Variants in DENND5B observed in about 807,000 individuals in gnomAD.
DENND5B encodes the protein DENN domain containing 5B.
DENND5B carries 34 observed loss-of-function variants against 140.6 expected under a neutral mutation model. The observed-to-expected ratio is 0.24, with a 90% CI of 0.18 to 0.32. DENND5B has a LOEUF of 0.32. Ranked by LOEUF, DENND5B falls within the 10% of genes least tolerant of loss-of-function variation. DENND5B has a pLI of 1.00. For missense variants in DENND5B, 1,142 were observed against 1,560.2 expected (o/e 0.73, Z 4.52); for synonymous variants, 551 against 562.1 (o/e 0.98, Z 0.28).
intron 2 of DENND5B, among the ~76,000 whole-genome samples, chr12:31,483,136 C>T (rs181724613): frequency 4.7e-4 from 72 of 152,336 alleles, no homozygotes; most frequent in African/African-American, 1.7e-3. Flanking sequence ...GCAGATATAG[C>T]TCCAATAATA....
intron 13 of DENND5B, among the ~76,000 whole-genome samples, chr12:31,412,324 C>T (rs1025094200): frequency 6.6e-6 from 1 of 152,154 alleles, no homozygotes; most frequent in African/African-American, 2.4e-5. Context: ...TGACTGGTTT[C>T]CCGGCTCTAA....
intron 1 of DENND5B, among the ~76,000 whole-genome samples, chr12:31,538,441 TGA>T (rs983860258): frequency 6.6e-6 from 1 of 152,034 alleles, no homozygotes; most frequent in Non-Finnish European, 1.5e-5. Context: ...AAAGCAGTAC[TGA>T]GAGGCAAGTT....
At chr12:31,526,282 T>G (rs1323748588) in intron 1 of DENND5B, among the ~76,000 whole-genome samples, 1 of 152,102 alleles carries the variant, frequency 6.6e-6, no homozygotes, top group Non-Finnish European at 1.5e-5. Context: ...ATTTACCCAT[T>G]AAAATGTCAC....
chr12:31,421,102 G>A (rs902132900), intron 11 of DENND5B, among the ~76,000 whole-genome samples: 4 of 152,064 alleles, frequency 2.6e-5, no homozygotes, highest in Non-Finnish European at 5.9e-5. Context: ...GGAGTACAGC[G>A]GAGCAGTCTT....
intron 1 of DENND5B, among the ~76,000 whole-genome samples, chr12:31,508,681 G>A (rs1591950109): frequency 1.3e-5 from 2 of 152,204 alleles, no homozygotes. Context: ...AACAAAAGCA[G>A]TTATCTGAGT....
chr12:31,590,494 G>GA, intron 1 of DENND5B: 1 of 544,650 alleles, frequency 1.8e-6, no homozygotes, highest in Non-Finnish European at 2.9e-6. Context: ...GCCTGGAGGC[G>GA]AAAGCCCCGG....
chr12:31,399,668 T>C lies in DENND5B; in HGVS notation c.3054A>G (p.Thr1018=). The C allele has an allele frequency of 6.2e-7, 1 of 1,613,630 alleles. No homozygotes were observed. The highest frequency in any genetic ancestry group is 1.3e-5 in the African/African-American group (1 of 75,048). Residue 1018 remains threonine (T), a synonymous_variant, in exon 16 of 21, where the codon ACA becomes ACG. Transcript: ENST00000389082. ...VDCVMVRNEI[T]GHTYRFPCGR... is the part of the protein sequence containing the mutation. The stretch of plus-strand genomic sequence containing the variant: ...CATTTACTTACCTGTATGTATGTCC[T>C]GTGATTTCATTTCTGACCATGACAC...
intron 4 of DENND5B, among the ~76,000 whole-genome samples, chr12:31,455,889 G>A (rs1944752333): frequency 6.6e-6 from 1 of 152,088 alleles, no homozygotes; most frequent in African/African-American, 2.4e-5. Flanking sequence ...CGTAGTGGCA[G>A]GCGCCTGTAA....
At chr12:31,513,754 A>G (rs934649399) in intron 1 of DENND5B, among the ~76,000 whole-genome samples, 3 of 152,118 alleles carry the variant, frequency 2.0e-5, no homozygotes, top group Non-Finnish European at 2.9e-5. Context: ...CATTTCTCCA[A>G]GGACCCCCTG....
At chr12:31,451,843 G>T (rs1944541343) in intron 5 of DENND5B, 97 bp downstream of exon 5, 2 of 1,381,908 alleles carry the variant, frequency 1.4e-6, no homozygotes, top group Non-Finnish European at 9.8e-7. Context: ...ATAATATATG[G>T]GTAAGCATAG....
chr12:31,495,465 G>A (rs1021037604), intron 2 of DENND5B, among the ~76,000 whole-genome samples: 4 of 141,586 alleles, frequency 2.8e-5, no homozygotes, highest in Admixed American at 7.9e-5. Flanking sequence ...CACAACCTCC[G>A]CCTCCTGGGT....
chr12:31,411,615 T>G (rs893957155), intron 13 of DENND5B, among the ~76,000 whole-genome samples: 1 of 152,036 alleles, frequency 6.6e-6, no homozygotes, highest in African/African-American at 2.4e-5. Context: ...AGTGCTGGGA[T>G]TACAGGTGTG....
intron 11 of DENND5B, among the ~76,000 whole-genome samples, chr12:31,417,002 G>C (rs1483585306): frequency 6.9e-6 from 1 of 145,474 alleles, no homozygotes; most frequent in Non-Finnish European, 1.5e-5. Context: ...GAGGTTGGGA[G>C]GATCATCTGA....
chr12:31,460,546 G>T (rs1042604312), intron 3 of DENND5B, among the ~76,000 whole-genome samples, 165 bp from the exon 4 acceptor site: 2 of 152,116 alleles, frequency 1.3e-5, no homozygotes, highest in South Asian at 4.1e-4. Context: ...TATAATTAAA[G>T]AATTAAATGG....
At chr12:31,498,699 A>T (rs1031663445) in intron 1 of DENND5B, among the ~76,000 whole-genome samples, 4 of 152,108 alleles carry the variant, frequency 2.6e-5, no homozygotes, top group Admixed American at 6.5e-5. Context: ...TGGGCCGGGC[A>T]CTGTGGCTCA....
intron 1 of DENND5B, among the ~76,000 whole-genome samples, chr12:31,546,321 C>T (rs2139204919): frequency 6.6e-6 from 1 of 152,194 alleles, no homozygotes; most frequent in African/African-American, 2.4e-5. Context: ...CAAAACAAAG[C>T]TCTCTTAAAT....
chr12:31,422,704 C>T (rs770454138), intron 11 of DENND5B, among the ~76,000 whole-genome samples: 2 of 152,148 alleles, frequency 1.3e-5, no homozygotes, highest in East Asian at 1.9e-4. Flanking sequence ...CCCATAGTTA[C>T]TTCTACTTTT....
intron 17 of DENND5B, among the ~76,000 whole-genome samples, chr12:31,394,877 T>A (rs529879219): frequency 2.0e-5 from 3 of 152,256 alleles, no homozygotes; most frequent in East Asian, 3.9e-4. Flanking sequence ...CCTCCCAAAG[T>A]GCTGTATTAC....
chr12:31,398,352 C>T lies in DENND5B; in HGVS notation c.3079G>A (p.Gly1027Arg). 6.5e-7 allele frequency: 1 copy of T among 1,544,484 alleles called. No homozygotes were observed. Reference sequence around the variant, plus strand: ...TCAATGCCTTTCCCCAGCCACCGCCCACATGGGAATCTGGTAGGACAGAAA... The same window carrying T: ...TCAATGCCTTTCCCCAGCCACCGCCTACATGGGAATCTGGTAGGACAGAAA... ...ITGHTYRFPC[G>R]RWLGKGIDDG... Residue 1027 changes from glycine (G) to arginine (R), a missense_variant, in exon 17 of 21, where the codon GGG becomes AGG. Gly to Arg is a moderately radical substitution (Grantham distance 125, BLOSUM62 -2). Coordinates refer to ENST00000389082, the MANE Select transcript of DENND5B (RefSeq NM_144973.4).
Sources: gnomAD v4.1 joint callset for allele counts (sites outside exome capture counted in the v4.1 genomes callset) on GRCh38, gnomAD v4.1.1 for gene constraint, MANE v1.5 for transcripts, NCBI Gene and HGNC (gene_info 2026-07-23, HGNC 2026-07-21) for gene names.